The following GLMN variants were observed in gnomAD, a reference collection of about 807,000 sequenced individuals.
GLMN encodes glomulin.
Under a neutral mutation model 87.8 loss-of-function variants are expected in GLMN, and 75 were observed. The ratio of observed to expected loss-of-function variants is 0.85; its 90% CI spans 0.71 to 1.04. The LOEUF (loss-of-function observed/expected upper bound fraction) is 1.04. GLMN is among the 50% of genes least tolerant of loss of function. The pLI is 0.00. For synonymous variants in GLMN, 206 were observed against 221.6 expected, an observed-to-expected ratio of 0.93 and a Z score of 0.63; for missense variants, 588 against 658.8, an observed-to-expected ratio of 0.89 and a Z score of 1.18.
At chr1:92,309,239 C>T in the GLMN span, among the ~76,000 whole-genome samples, 3 of 151,898 alleles carry the variant, frequency 2.0e-5, no homozygotes, top group African/African-American at 4.8e-5. Context: ...GTCAAGAGAT[C>T]GAGACCATCC....
chr1:92,316,692 A>G, the GLMN span, among the ~76,000 whole-genome samples: 2 of 152,182 alleles, frequency 1.3e-5, no homozygotes, highest in African/African-American at 4.8e-5. Flanking sequence ...AAATTGTGGG[A>G]AGATAATAGA....
At chr1:92,345,986 T>G in the GLMN span, 1 of 1,074,300 alleles carries the variant, frequency 9.3e-7, no homozygotes, top group Admixed American at 2.0e-5. Flanking sequence ...AACAAAGTGA[T>G]CCACTGATTT....
At chr1:92,294,103 T>C (rs543847913) in intron 3 of GLMN, among the ~76,000 whole-genome samples, 1 of 152,194 alleles carries the variant, frequency 6.6e-6, no homozygotes, top group East Asian at 1.9e-4. Context: ...TAAATGAGTA[T>C]AATTGGTTTG....
the GLMN span, among the ~76,000 whole-genome samples, chr1:92,321,289 A>C: frequency 1.3e-5 from 2 of 152,214 alleles, no homozygotes; most frequent in Non-Finnish European, 2.9e-5. Context: ...GAAATACATG[A>C]AAGTTAAATT....
intron 11 of GLMN, 39 bp from the exon 12 acceptor site, chr1:92,266,780 T>C (rs1212461532): frequency 7.6e-7 from 1 of 1,312,384 alleles, no homozygotes; most frequent in South Asian, 1.2e-5. Context: ...TGTAAACAGA[T>C]TATACTGACT....
At chr1:92,353,261 C>T in the GLMN span, among the ~76,000 whole-genome samples, 7 of 152,124 alleles carry the variant, frequency 4.6e-5, no homozygotes, top group African/African-American at 1.7e-4. Flanking sequence ...TTTTAAAGAA[C>T]TGCCAAAGTG....
chr1:92,275,311 T>C (rs572927072), intron 7 of GLMN, among the ~76,000 whole-genome samples: 11 of 152,338 alleles, frequency 7.2e-5, no homozygotes, highest in African/African-American at 2.6e-4. Flanking sequence ...TAAGATTCCA[T>C]TCCTGCTACA....
the GLMN span, chr1:92,363,913 G>A: frequency 2.8e-3 from 453 of 164,082 alleles, 1 homozygote; most frequent in African/African-American, 8.2e-3. Flanking sequence ...TGTGTTAATC[G>A]ACTGCTTATG....
chr1:92,277,616 T>A (rs1228829553), intron 7 of GLMN, among the ~76,000 whole-genome samples: 1 of 152,164 alleles, frequency 6.6e-6, no homozygotes, highest in Non-Finnish European at 1.5e-5. Flanking sequence ...CAACGGTCAA[T>A]GATGTAATCA....
upstream of GLMN, among the ~76,000 whole-genome samples, chr1:92,302,484 A>G (rs1169163666): frequency 6.6e-6 from 1 of 151,750 alleles, no homozygotes; most frequent in Non-Finnish European, 1.5e-5. Flanking sequence ...TAACAGAAGA[A>G]TATTATTTTT....
intron 16 of GLMN, among the ~76,000 whole-genome samples, chr1:92,261,136 A>C (rs566353586): frequency 6.6e-6 from 1 of 152,280 alleles, no homozygotes; most frequent in South Asian, 2.1e-4. Flanking sequence ...GCTGAATTTT[A>C]TATTGTAGCT....
At position 92,292,846 on chromosome 1, in the gene GLMN, G is replaced by A. The variant is rs1201914841; in HGVS notation, c.166-1309C>T. 3.3e-5 allele frequency among the ~76,000 whole-genome samples: 5 copies of A among 150,808 alleles called. No individual in the cohort carries two copies. The East Asian group carries it at 6.0e-4, about 18-fold the overall frequency. Reference sequence around the variant, plus strand: ...AGTTCAAGACCAGCCTGGGCAACACGGCCAAACCCTGTGTATAAAATACAA... The same window carrying A: ...AGTTCAAGACCAGCCTGGGCAACACAGCCAAACCCTGTGTATAAAATACAA... On this transcript the variant is annotated intron_variant, in intron 3 of 18. Coordinates refer to ENST00000370360, the MANE Select transcript of GLMN (RefSeq NM_053274.3).
At chr1:92,358,828 T>TCC in the GLMN span, among the ~76,000 whole-genome samples, 4 of 152,064 alleles carry the variant, frequency 2.6e-5, no homozygotes, top group Admixed American at 2.6e-4. Context: ...ACTTAAGTGA[T>TCC]CCCCAACCTT....
the GLMN span, among the ~76,000 whole-genome samples, chr1:92,346,361 G>C: frequency 6.6e-6 from 1 of 151,756 alleles, no homozygotes; most frequent in African/African-American, 2.4e-5. Context: ...ACAGTGTCTT[G>C]CTATATTGCC....
At chr1:92,301,435 T>G (rs757352725), upstream of GLMN, 1 of 1,035,730 alleles carries the variant, frequency 9.7e-7, no homozygotes, top group Non-Finnish European at 1.5e-6. Context: ...ATGTTGGACA[T>G]GAAGCTTTTA....
chr1:92,306,914 A>G, the GLMN span, among the ~76,000 whole-genome samples: 72,461 of 152,044 alleles, frequency 0.48, 18,271 homozygotes, highest in East Asian at 0.96. Context: ...TAATAGGGAT[A>G]TGTACACAGG....
chr1:92,343,202 A>C, the GLMN span, among the ~76,000 whole-genome samples: 1 of 152,170 alleles, frequency 6.6e-6, no homozygotes, highest in Non-Finnish European at 1.5e-5. Flanking sequence ...CCTGGTAAAG[A>C]AAATGTTTCC....
intron 17 of GLMN, among the ~76,000 whole-genome samples, chr1:92,247,386 A>G (rs994106770): frequency 3.9e-5 from 6 of 152,226 alleles, no homozygotes; most frequent in African/African-American, 1.2e-4. Context: ...TATAGGATTC[A>G]TGAAACTGTT....
intron 15 of GLMN, among the ~76,000 whole-genome samples, chr1:92,263,333 T>G (rs12064015): frequency 0.019 from 2,967 of 152,228 alleles, 119 homozygotes; most frequent in African/African-American, 0.067. Flanking sequence ...CATACACAGA[T>G]TTTTAGTTTT....
Sources: allele counts gnomAD v4.1 joint callset (sites outside exome capture counted in the v4.1 genomes callset), GRCh38; gene constraint gnomAD v4.1.1; transcripts MANE v1.5; gene names NCBI Gene and HGNC (gene_info 2026-07-23, HGNC 2026-07-21).